The following ANK2 variants were observed in gnomAD, a reference collection of about 807,000 sequenced individuals.
The protein encoded by ANK2 is ankyrin 2.
A neutral mutation model predicts 360.5 loss-of-function variants in ANK2; 83 were observed. The ratio of observed to expected loss-of-function variants is 0.23; its 90% CI spans 0.19 to 0.28. The LOEUF is 0.28. Ranked by LOEUF, ANK2 falls within the 10% of genes least tolerant of loss-of-function variation. The pLI is 1.00. For missense variants in ANK2, 4,201 were observed against 4,795.7 expected, an observed-to-expected ratio of 0.88 and a Z score of 3.66; for synonymous variants, 1,740 against 1,759.5, an observed-to-expected ratio of 0.99 and a Z score of 0.28.
At chr4:113,318,946 A>T (rs933703930) in intron 26 of ANK2, among the ~76,000 whole-genome samples, 1 of 152,170 alleles carries the variant, frequency 6.6e-6, no homozygotes, top group Non-Finnish European at 1.5e-5. Flanking sequence ...TCCTAAAAAG[A>T]GGGGCTGAAT....
At chr4:113,364,927 TTTGA>T (rs2096448514) in intron 40 of ANK2, 108 bp from the exon 41 acceptor site, 3 of 1,349,868 alleles carry the variant, frequency 2.2e-6, no homozygotes, top group Non-Finnish European at 2.1e-6. Context: ...TTAATTAGGC[TTTGA>T]TTGTTTTTTT....
At chr4:113,218,189 T>C (rs1354428603) in intron 4 of ANK2, among the ~76,000 whole-genome samples, 1 of 152,206 alleles carries the variant, frequency 6.6e-6, no homozygotes, top group Non-Finnish European at 1.5e-5. Flanking sequence ...ATACATGTAA[T>C]ATGATATGAA....
chr4:113,012,896 C>T (rs2055249439), intron 2 of ANK2, among the ~76,000 whole-genome samples: 1 of 152,102 alleles, frequency 6.6e-6, no homozygotes, highest in Non-Finnish European at 1.5e-5. Flanking sequence ...CCATAGATGC[C>T]TATCACTGAG....
the ANK2 span, among the ~76,000 whole-genome samples, chr4:112,712,597 T>A: frequency 6.6e-6 from 1 of 150,872 alleles, no homozygotes; most frequent in Non-Finnish European, 1.5e-5. Flanking sequence ...TTAGTAGAGA[T>A]GGGGTTTCAC....
chr4:113,272,161 T>G (rs931751700), intron 14 of ANK2, among the ~76,000 whole-genome samples: 2 of 152,226 alleles, frequency 1.3e-5, no homozygotes, highest in African/African-American at 4.8e-5. Context: ...ATCTTTGAAC[T>G]TTATCCCAGC....
intron 4 of ANK2, among the ~76,000 whole-genome samples, chr4:113,224,957 C>T (rs2099198443): frequency 6.7e-6 from 1 of 148,914 alleles, no homozygotes; most frequent in Non-Finnish European, 1.5e-5. Flanking sequence ...TTTACCCATG[C>T]TAGTAATTTC....
In ANK2 at chr4:112,863,689, A is replaced by AT. The variant is rs777631976; in HGVS notation, c.-39-40760dup. Among the ~76,000 whole-genome samples, 249 of 151,860 alleles carry AT rather than the reference A, an allele frequency of 1.6e-3. 1 individual carries two copies. Among genetic ancestry groups the AT allele is most frequent in the Admixed American group, 5.0e-3 (77 of 15,250 alleles). On this transcript the variant is annotated intron_variant, in intron 1 of 30. Coordinates refer to the ANK2 transcript ENST00000503271. ...AGGCGCCAGCCACCACGCCCGGCTAATTTTTTGTATTTTTAGTAGAGACGG... is the reference window on the plus strand; with the variant it reads ...AGGCGCCAGCCACCACGCCCGGCTAATTTTTTTGTATTTTTAGTAGAGACGG...
chr4:113,186,113 C>G (rs58923688), intron 2 of ANK2, among the ~76,000 whole-genome samples: 5 of 152,152 alleles, frequency 3.3e-5, no homozygotes, highest in African/African-American at 1.2e-4. Flanking sequence ...CTGGGAGACA[C>G]CTTACAGCAG....
At chr4:112,906,080 A>C (rs2085100198) in intron 2 of ANK2, among the ~76,000 whole-genome samples, 1 of 152,206 alleles carries the variant, frequency 6.6e-6, no homozygotes, top group Non-Finnish European at 1.5e-5. Context: ...ATAAAAGCTA[A>C]GTCAGAAATT....
chr4:112,965,429 C>G (rs2036828336), intron 2 of ANK2, among the ~76,000 whole-genome samples: 1 of 152,018 alleles, frequency 6.6e-6, no homozygotes, highest in Non-Finnish European at 1.5e-5. Context: ...AAGTAGTTTG[C>G]AAATATTTTC....
chr4:113,123,040 AG>A (rs1215467567), intron 1 of ANK2, among the ~76,000 whole-genome samples: 1 of 151,784 alleles, frequency 6.6e-6, no homozygotes, highest in Admixed American at 6.6e-5. Context: ...GTATGGCTTG[AG>A]GTAAGTTTTA....
intron 19 of ANK2, among the ~76,000 whole-genome samples, 166 bp downstream of exon 19, chr4:113,287,869 A>AT (rs1281603834): frequency 3.9e-5 from 6 of 152,276 alleles, no homozygotes; most frequent in Admixed American, 3.3e-4. Flanking sequence ...GTGGCTCCCC[A>AT]TTTTTTGCTA....
Position 113,331,926 on chromosome 4 carries a change from A to G in ANK2, c.3126-46A>G, listed in dbSNP as rs1180259158. On this transcript the variant is annotated intron_variant, in intron 27 of 45. Coordinates refer to ENST00000357077, the MANE Select transcript of ANK2 (RefSeq NM_001148.6). ...GGGTTCTGTGGAAGACAATACCTGA[A>G]GCTTACCTATGTTCTTTCTTTCACT... 13 of 1,540,514 alleles carry G rather than the reference A, an allele frequency of 8.4e-6. 1 individual carries two copies. The highest frequency in any genetic ancestry group is 1.9e-4 in the Middle Eastern group (1 of 5,256).
At chr4:113,333,549 A>G (rs2092954771) in intron 29 of ANK2, among the ~76,000 whole-genome samples, 1 of 152,210 alleles carries the variant, frequency 6.6e-6, no homozygotes, top group Non-Finnish European at 1.5e-5. Context: ...GTTGCTTCAT[A>G]ACGAAATGAA....
rs1163043823 is a variant in ANK2 at position 113,335,848 on chromosome 4, C to T, written c.3382C>T (p.Leu1128=). 6.2e-7 allele frequency: 1 copy of T among 1,613,762 alleles called. No individual in the cohort carries two copies. The highest frequency in any genetic ancestry group is 8.5e-7 in the Non-Finnish European group (1 of 1,179,638). Residue 1128 remains leucine (L), a splice_region_variant and synonymous_variant, in exon 30 of 46, where the codon CTG becomes TTG. Transcript: ENST00000357077. ...AGGTGGGTCATTTCTTGTCTTAGTACTGGATAGCCCAGAAGACCTAGAAAA... is the reference window on the plus strand; with the variant it reads ...AGGTGGGTCATTTCTTGTCTTAGTATTGGATAGCCCAGAAGACCTAGAAAA... ...NEILNGMDEV[L]DSPEDLEKKR... is the part of the protein sequence containing the mutation.
Position 112,952,065 on chromosome 4 carries a change from T to C in ANK2, c.21+47551T>C, listed in dbSNP as rs1451770514. 2.0e-5 allele frequency among the ~76,000 whole-genome samples: 3 copies of C among 152,348 alleles called. No homozygotes were observed. In the East Asian group the frequency reaches 5.8e-4, roughly 29 times the overall value. On this transcript the variant is annotated intron_variant, in intron 2 of 30. Coordinates refer to the ANK2 transcript ENST00000503271. The stretch of plus-strand genomic sequence containing the variant: ...CTCAAATCTCTTTCAGCTTTAGCAC[T>C]AAACCAAACCCTTCTTTATAGTGCT...
At chr4:112,904,314 T>G (rs2084473520) in intron 1 of ANK2, 1 of 472,178 alleles carries the variant, frequency 2.1e-6, no homozygotes, top group African/African-American at 2.0e-5. Context: ...TCTTTTGCAT[T>G]TATAATAGTG....
At chr4:113,043,923 C>T (rs1464116798) in intron 2 of ANK2, among the ~76,000 whole-genome samples, 1 of 152,096 alleles carries the variant, frequency 6.6e-6, no homozygotes, top group Non-Finnish European at 1.5e-5. Context: ...TTGCTACCCA[C>T]CCCTAATAAA....
At chr4:113,238,314 A>G (rs897086064) in intron 7 of ANK2, among the ~76,000 whole-genome samples, 2 of 152,154 alleles carry the variant, frequency 1.3e-5, no homozygotes, top group Non-Finnish European at 2.9e-5. Flanking sequence ...GTTGATGTAT[A>G]TTATACAAAC....
Sources: allele counts gnomAD v4.1 joint callset (sites outside exome capture counted in the v4.1 genomes callset), GRCh38; gene constraint gnomAD v4.1.1; transcripts MANE v1.5; gene names NCBI Gene and HGNC (gene_info 2026-07-23, HGNC 2026-07-21).